CLVS1: variants seen among roughly 807,000 people sequenced by gnomAD.
The protein encoded by CLVS1 is clavesin 1, also known as clavesin-1.
In CLVS1, 10 loss-of-function variants were observed where a neutral mutation model predicts 33.1. The ratio of observed to expected loss-of-function variants is 0.30; its 90% CI spans 0.19 to 0.51. CLVS1 has a LOEUF of 0.51. Ranked by LOEUF, CLVS1 falls within the 20% of genes least tolerant of loss-of-function variation. CLVS1 has a pLI of 0.97. For synonymous variants in CLVS1, 163 were observed against 166.1 expected, an observed-to-expected ratio of 0.98 and a Z score of 0.14; for missense variants, 343 against 433.4, an observed-to-expected ratio of 0.79 and a Z score of 1.85.
chr8:61,470,235 G>A (rs1164562216), intron 5 of CLVS1, among the ~76,000 whole-genome samples: 1 of 152,220 alleles, frequency 6.6e-6, no homozygotes, highest in African/African-American at 2.4e-5. Flanking sequence ...TGGAGTGAAA[G>A]AAAATCTATA....
intron 3 of CLVS1, among the ~76,000 whole-genome samples, chr8:61,427,812 G>C (rs1271323776): frequency 1.3e-5 from 2 of 152,200 alleles, no homozygotes; most frequent in African/African-American, 4.8e-5. Flanking sequence ...TGGTAACACT[G>C]TTAGGATGGA....
intron 3 of CLVS1, among the ~76,000 whole-genome samples, chr8:61,380,277 AT>A (rs1374117006): frequency 3.9e-5 from 6 of 152,184 alleles, no homozygotes; most frequent in Admixed American, 3.9e-4. Flanking sequence ...ACTTCTGACC[AT>A]AATCATTAAA....
At chr8:61,469,407 C>T (rs1403884036) in intron 5 of CLVS1, among the ~76,000 whole-genome samples, 3 of 152,128 alleles carry the variant, frequency 2.0e-5, no homozygotes, top group Admixed American at 6.6e-5. Context: ...CATAATGACA[C>T]GGTGAGCCAT....
At chr8:61,286,198 G>T (rs1809776554), upstream of CLVS1, among the ~76,000 whole-genome samples, 1 of 152,120 alleles carries the variant, frequency 6.6e-6, no homozygotes, top group African/African-American at 2.4e-5. Context: ...GTTCTACTTA[G>T]TCACCTGGGG....
rs1167743712 is a variant in CLVS1, at chr8:61,357,494, C to CTTTT, written c.456-19086_456-19083dup. On this transcript the variant is annotated intron_variant, in intron 2 of 5. Transcript: ENST00000325897. The stretch of plus-strand genomic sequence containing the variant: ...CTTCTTTTTCTTTCCTTTTTCTTTT[C>CTTTT]TTTTTTTTTTTTTTTTTTTTTTTTT... Among the ~76,000 whole-genome samples the CTTTT allele has an allele frequency of 1.3e-3, 34 of 25,804 alleles. 3 individuals carry two copies. Among genetic ancestry groups the CTTTT allele is most frequent in the African/African-American group, 2.2e-3 (22 of 10,082 alleles). 16.9% of individuals were successfully genotyped at this position (25,804 alleles called of 152,430 possible). A position where few individuals can be genotyped will look rare whatever the true frequency, so the allele number is the denominator to read the frequency against.
chr8:61,359,510 C>T (rs987981926), intron 2 of CLVS1, among the ~76,000 whole-genome samples: 4 of 152,126 alleles, frequency 2.6e-5, no homozygotes, highest in Non-Finnish European at 5.9e-5. Flanking sequence ...CAAGTGCCAT[C>T]ATGCCCGGCT....
chr8:60,998,447 G>A, the CLVS1 span, among the ~76,000 whole-genome samples: 1 of 152,026 alleles, frequency 6.6e-6, no homozygotes, highest in Non-Finnish European at 1.5e-5. Flanking sequence ...AGGGGTAAGG[G>A]GTGAGGGTGG....
intron 3 of CLVS1, among the ~76,000 whole-genome samples, chr8:61,429,391 G>A (rs1045658482): frequency 1.8e-4 from 23 of 129,424 alleles, no homozygotes; most frequent in Admixed American, 1.0e-3. Flanking sequence ...CTGCACTCTA[G>A]CCTAGGTGAC....
At chr8:61,273,076 A>G (rs1809480735) in intron 2 of CLVS1, among the ~76,000 whole-genome samples, 1 of 150,782 alleles carries the variant, frequency 6.6e-6, no homozygotes, top group African/African-American at 2.5e-5. Context: ...TCTGCTTTTT[A>G]GAGTTTCCAG....
At chr8:61,036,484 A>G in the CLVS1 span, among the ~76,000 whole-genome samples, 1 of 152,216 alleles carries the variant, frequency 6.6e-6, no homozygotes, top group Non-Finnish European at 1.5e-5. Context: ...AGTTGTTTGT[A>G]TTAAAAGGTG....
chr8:61,460,631 G>A (rs1004241886), intron 5 of CLVS1, among the ~76,000 whole-genome samples: 5 of 152,194 alleles, frequency 3.3e-5, no homozygotes, highest in African/African-American at 7.2e-5. Context: ...CTCTGGGAAA[G>A]ATTTCCCAGG....
chr8:61,166,105 C>A (rs1806860263), intron 2 of CLVS1, among the ~76,000 whole-genome samples: 1 of 146,960 alleles, frequency 6.8e-6, no homozygotes, highest in South Asian at 2.2e-4. Flanking sequence ...TCTTTATAGG[C>A]CTTGCTTAAA....
intron 2 of CLVS1, among the ~76,000 whole-genome samples, chr8:61,275,471 A>G (rs557447238): frequency 1.3e-5 from 2 of 152,348 alleles, no homozygotes; most frequent in East Asian, 3.9e-4. Flanking sequence ...CACTGCATAC[A>G]TGGTTGTATT....
At chr8:61,219,585 T>G (rs1753761460) in intron 2 of CLVS1, among the ~76,000 whole-genome samples, 1 of 152,238 alleles carries the variant, frequency 6.6e-6, no homozygotes, top group South Asian at 2.1e-4. Flanking sequence ...GCTTTGCTAT[T>G]TTAAATAGTG....
In CLVS1 at chr8:61,344,891, C is replaced by T. The variant is rs371775994; in HGVS notation, c.456-31714C>T. The stretch of plus-strand genomic sequence containing the variant: ...AGAAAGCATACTATTTGGGGACTGG[C>T]CAGAAAAAAAAAAAAGGTGTAATTC... On this transcript the variant is annotated intron_variant, in intron 2 of 5. Transcript: ENST00000325897. Among the ~76,000 whole-genome samples the T allele has an allele frequency of 2.4e-3, 355 of 148,016 alleles. 3 individuals are homozygous for T. The highest frequency in any genetic ancestry group is 8.0e-3 in the African/African-American group (321 of 40,180).
chr8:61,368,770 C>A (rs142893409), intron 2 of CLVS1, among the ~76,000 whole-genome samples: 31 of 152,298 alleles, frequency 2.0e-4, no homozygotes, highest in Middle Eastern at 3.4e-3. Flanking sequence ...GTATTCAATA[C>A]ATTATTTCTA....
At chr8:61,288,946 T>A (rs1345667300) in intron 1 of CLVS1, among the ~76,000 whole-genome samples, 3 of 152,218 alleles carry the variant, frequency 2.0e-5, no homozygotes, top group Non-Finnish European at 1.5e-5. Flanking sequence ...ATGATGGTAA[T>A]GATTGTAACT....
At chr8:61,121,961 A>C (rs1286794105) in intron 1 of CLVS1, among the ~76,000 whole-genome samples, 1 of 152,242 alleles carries the variant, frequency 6.6e-6, no homozygotes, top group Non-Finnish European at 1.5e-5. Context: ...CAACAGGAGG[A>C]CTCAACACAG....
chr8:61,063,306 A>AAC (rs1804618842), intron 1 of CLVS1, among the ~76,000 whole-genome samples: 7 of 145,264 alleles, frequency 4.8e-5, no homozygotes, highest in African/African-American at 1.6e-4. Context: ...AGAGAGAGAG[A>AAC]GAGAACAGTC....
Sources: allele counts gnomAD v4.1 joint callset (sites outside exome capture counted in the v4.1 genomes callset), GRCh38; gene constraint gnomAD v4.1.1; transcripts MANE v1.5; gene names NCBI Gene and HGNC (gene_info 2026-07-23, HGNC 2026-07-21).